Variants in IMMP2L observed in about 807,000 individuals in gnomAD.
The protein encoded by IMMP2L is inner mitochondrial membrane peptidase subunit 2.
IMMP2L carries 18 observed loss-of-function variants against 19.3 expected under a neutral mutation model. The ratio of observed to expected loss-of-function variants is 0.93; its 90% confidence interval spans 0.64 to 1.38. The LOEUF (loss-of-function observed/expected upper bound fraction) is 1.38, where lower values mean the gene tolerates loss of function less well. Among genes scored for constraint, IMMP2L ranks in the 40% most tolerant of loss-of-function variants. IMMP2L has a pLI of 0.00. For synonymous variants in IMMP2L, 76 were observed against 73.0 expected (o/e 1.04, Z -0.21); for missense variants, 233 against 218.2 (o/e 1.07, Z -0.43).
intron 5 of IMMP2L, among the ~76,000 whole-genome samples, chr7:110,672,482 T>C (rs1791987834): frequency 6.6e-6 from 1 of 152,106 alleles, no homozygotes; most frequent in Non-Finnish European, 1.5e-5. Flanking sequence ...ATCGTGTCTT[T>C]CCAACAGTCC....
intron 3 of IMMP2L, among the ~76,000 whole-genome samples, chr7:111,408,040 T>C (rs746589898): frequency 1.9e-4 from 29 of 151,992 alleles, no homozygotes; most frequent in Non-Finnish European, 2.5e-4. Context: ...GAAAATTAAA[T>C]AGCATGCTCA....
chr7:111,063,453 T>C (rs969999605), intron 3 of IMMP2L, among the ~76,000 whole-genome samples: 1 of 152,176 alleles, frequency 6.6e-6, no homozygotes, highest in Non-Finnish European at 1.5e-5. Flanking sequence ...CTGAAGACAT[T>C]TTCCCTATTT....
intron 1 of IMMP2L, among the ~76,000 whole-genome samples, chr7:111,524,219 C>A (rs1471395009): frequency 3.3e-5 from 5 of 151,888 alleles, no homozygotes; most frequent in African/African-American, 1.2e-4. Flanking sequence ...AACGGAATGA[C>A]CTCCACATCT....
chr7:110,873,265 CA>C (rs1042461700), intron 5 of IMMP2L, among the ~76,000 whole-genome samples: 1 of 150,396 alleles, frequency 6.6e-6, no homozygotes, highest in Admixed American at 6.6e-5. Flanking sequence ...ACTAAAAATA[CA>C]AAAAAAATTA....
intron 3 of IMMP2L, among the ~76,000 whole-genome samples, chr7:111,400,706 T>C (rs1833345032): frequency 6.6e-6 from 1 of 152,084 alleles, no homozygotes; most frequent in African/African-American, 2.4e-5. Context: ...TGATGTGAAA[T>C]GCTTAGGTGT....
chr7:110,813,747 G>GA (rs1014485649), intron 5 of IMMP2L, among the ~76,000 whole-genome samples: 2 of 7,098 alleles, frequency 2.8e-4, no homozygotes, highest in Non-Finnish European at 8.4e-4. Context: ...AACACACCAG[G>GA]ATTTTTTTTT....
At chr7:110,848,860 C>T (rs899631634) in intron 5 of IMMP2L, among the ~76,000 whole-genome samples, 1 of 151,774 alleles carries the variant, frequency 6.6e-6, no homozygotes, top group African/African-American at 2.4e-5. Context: ...GGAAGAAAAA[C>T]AAAAACAAAA....
intron 5 of IMMP2L, among the ~76,000 whole-genome samples, chr7:110,813,986 G>A (rs776932711): frequency 7.6e-4 from 116 of 151,990 alleles, no homozygotes; most frequent in Non-Finnish European, 1.4e-3. Context: ...ACTTAATTCA[G>A]AACACAGGCT....
chr7:110,666,758 C>T (rs1031003596), intron 5 of IMMP2L, among the ~76,000 whole-genome samples: 6 of 152,204 alleles, frequency 3.9e-5, no homozygotes, highest in South Asian at 2.1e-4. Flanking sequence ...AACATTAACA[C>T]ATTTATTCAT....
chr7:111,087,029 G>GCTTT (rs1489333195), intron 3 of IMMP2L, among the ~76,000 whole-genome samples: 7 of 152,214 alleles, frequency 4.6e-5, no homozygotes, highest in Non-Finnish European at 8.8e-5. Flanking sequence ...AGTAGAAAGA[G>GCTTT]CTTTGGCTCT....
At chr7:111,249,123 G>C (rs1466580961) in intron 3 of IMMP2L, among the ~76,000 whole-genome samples, 3 of 64,332 alleles carry the variant, frequency 4.7e-5, no homozygotes, top group Non-Finnish European at 8.7e-5. Flanking sequence ...CCCCAGCCTC[G>C]TTGCCGCCTT....
intron 5 of IMMP2L, among the ~76,000 whole-genome samples, chr7:110,817,138 A>G (rs1405316754): frequency 1.3e-5 from 2 of 152,138 alleles, no homozygotes; most frequent in South Asian, 2.1e-4. Context: ...AAGGAAATAA[A>G]GGGTATTCAA....
At chr7:111,187,167 G>T (rs944520553) in intron 3 of IMMP2L, among the ~76,000 whole-genome samples, 2 of 152,152 alleles carry the variant, frequency 1.3e-5, no homozygotes, top group Admixed American at 1.3e-4. Flanking sequence ...GTAAGAGAAT[G>T]GGAGTAAGGT....
In IMMP2L at chr7:111,147,329, G is replaced by A. The variant is rs183344439; in HGVS notation, c.240-183764C>T. ...GGTTCACATAAATCAATAAGAAATT[G>A]GTTTAATTAATATAAAGGTCTTGCA... On this transcript the variant is annotated intron_variant, in intron 3 of 5. Coordinates refer to ENST00000405709, the MANE Select transcript of IMMP2L (RefSeq NM_032549.4). Among the ~76,000 whole-genome samples the A allele has an allele frequency of 3.8e-3, 582 of 152,026 alleles. 2 individuals are homozygous for A. The highest frequency in any genetic ancestry group is 6.6e-3 in the Non-Finnish European group (447 of 67,966).
At chr7:111,214,421 C>T (rs546406513) in intron 3 of IMMP2L, among the ~76,000 whole-genome samples, 20 of 129,282 alleles carry the variant, frequency 1.5e-4, no homozygotes, top group Non-Finnish European at 2.4e-4. Flanking sequence ...CTGCTCACTA[C>T]AACCTCCGCC....
At chr7:111,242,485 G>T (rs1340633034) in intron 3 of IMMP2L, among the ~76,000 whole-genome samples, 1 of 152,010 alleles carries the variant, frequency 6.6e-6, no homozygotes, top group Non-Finnish European at 1.5e-5. Flanking sequence ...GCAGTTAAAG[G>T]AACAGTGGGA....
intron 5 of IMMP2L, among the ~76,000 whole-genome samples, chr7:110,826,808 C>A (rs1803540424): frequency 6.6e-6 from 1 of 151,602 alleles, no homozygotes; most frequent in Admixed American, 6.6e-5. Context: ...GCACATTGTG[C>A]ACATGTACCC....
chr7:111,445,028 C>G (rs1838172387), intron 3 of IMMP2L, among the ~76,000 whole-genome samples: 2 of 151,986 alleles, frequency 1.3e-5, no homozygotes, highest in African/African-American at 4.8e-5. Flanking sequence ...TAAGAAACAG[C>G]TAGGCATATA....
intron 3 of IMMP2L, among the ~76,000 whole-genome samples, chr7:111,404,158 T>C (rs1375710421): frequency 6.6e-6 from 1 of 152,134 alleles, no homozygotes; most frequent in Non-Finnish European, 1.5e-5. Context: ...ATTTTTTATA[T>C]ATTTTGGAGT....
Sources: gnomAD v4.1 joint callset for allele counts (sites outside exome capture counted in the v4.1 genomes callset) on GRCh38, gnomAD v4.1.1 for gene constraint, MANE v1.5 for transcripts, NCBI Gene and HGNC (gene_info 2026-07-23, HGNC 2026-07-21) for gene names.